Variants in MUC5B observed in about 807,000 individuals in gnomAD.
MUC5B encodes mucin-5B.
Under a neutral mutation model 376.9 loss-of-function variants are expected in MUC5B, and 116 were observed. The observed-to-expected ratio is 0.31, with a 90% CI of 0.26 to 0.36. The LOEUF (loss-of-function observed/expected upper bound fraction) is 0.36, where lower values mean the gene tolerates loss of function less well. MUC5B is among the 10% of genes least tolerant of loss of function. The probability of loss-of-function intolerance (pLI) is 1.00; values close to 1 mark genes in which losing one functional copy is unlikely to be tolerated. For synonymous variants in MUC5B, 3,517 were observed against 3,390.9 expected (o/e 1.04, Z -1.29); for missense variants, 7,165 against 7,769.9 (o/e 0.92, Z 2.93).
In MUC5B at chr11:1,247,518, C is replaced by G. The variant is rs376033739; in HGVS notation, c.10638C>G (p.Ser3546Arg). The change falls in exon 31 of 49, where the codon AGC becomes AGG. Residue 3546 changes from serine (S) to arginine (R), a missense_variant. Ser to Arg is a moderately radical substitution (Grantham distance 110). Transcript: ENST00000529681. ...GGACCACAGCCACAGCCACACCCAG[C>G]AAGACCCGCACCTCGACCCTGCTGC... Reference protein sequence around the residue: ...TSRTTATATPSKTRTSTLLPS... With the variant: ...TSRTTATATPRKTRTSTLLPS... The G allele has an allele frequency of 1.9e-6, 3 of 1,609,538 alleles. No homozygotes were observed. The highest frequency in any genetic ancestry group is 1.7e-5 in the Admixed American group (1 of 59,954).
chr11:1,256,917 T>A, intron 39 of MUC5B, 146 bp downstream of exon 39: 3 of 667,714 alleles, frequency 4.5e-6, no homozygotes, highest in Admixed American at 6.0e-5. Flanking sequence ...GAGCATGGGA[T>A]GGCCCCAGAG....
Position 1,251,503 on chromosome 11 carries a change from C to G in MUC5B, c.14623C>G (p.His4875Asp), listed in dbSNP as rs761476366. The G allele has an allele frequency of 6.4e-7, 1 of 1,565,486 alleles. No homozygotes were observed. Among genetic ancestry groups the G allele is most frequent in the Non-Finnish European group, 8.8e-7 (1 of 1,142,160 alleles). ...ATASSTLGTA[H>D]TPKVVTTMAT... Reference sequence around the variant, plus strand: ...CGCCTCCTCCACTCTGGGAACAGCTCACACCCCCAAAGTGGTGACCACCAT... The same window carrying G: ...CGCCTCCTCCACTCTGGGAACAGCTGACACCCCCAAAGTGGTGACCACCAT... The change falls in exon 31 of 49, where the codon CAC becomes GAC. Residue 4875 changes from histidine (H) to aspartate (D), a missense_variant. His to Asp is a moderately conservative substitution (Grantham distance 81). Coordinates refer to ENST00000529681, the MANE Select transcript of MUC5B (RefSeq NM_002458.3).
At chr11:1,256,854 G>T in intron 39 of MUC5B, 83 bp downstream of exon 39, 1 of 1,094,574 alleles carries the variant, frequency 9.1e-7, no homozygotes, top group Non-Finnish European at 1.3e-6. Flanking sequence ...CCAGGACCAT[G>T]ATGTGCTCTC....
intron 27 of MUC5B, 53 bp from the exon 28 acceptor site, chr11:1,239,746 C>A: frequency 6.4e-7 from 1 of 1,559,538 alleles, no homozygotes; most frequent in Non-Finnish European, 8.7e-7. Context: ...GAGCCCCTGG[C>A]TGGAGAGACT....
Position 1,240,039 on chromosome 11 carries a change from C to G in MUC5B, c.3729-6C>G. On this transcript the variant is annotated splice_region_variant and splice_polypyrimidine_tract_variant and intron_variant, in intron 28 of 48. Coordinates refer to ENST00000529681, the MANE Select transcript of MUC5B (RefSeq NM_002458.3). ...GGCCCTCAGCTCGCCTCTCCCCCAC[C>G]CCTAGTAACTGCACACCCAGTGGCA... 1.3e-6 allele frequency: 2 copies of G among 1,582,008 alleles called. No individual in the cohort carries two copies. The highest frequency in any genetic ancestry group is 1.7e-6 in the Non-Finnish European group (2 of 1,163,438).
chr11:1,256,639 T>C, intron 38 of MUC5B, 32 bp from the exon 39 acceptor site: 1 of 1,520,604 alleles, frequency 6.6e-7, no homozygotes, highest in Non-Finnish European at 8.9e-7. Flanking sequence ...CCTGGATCTC[T>C]AGGTCTCAGG....
chr11:1,224,682 T>G (rs1238884663), intron 1 of MUC5B, among the ~76,000 whole-genome samples: 1 of 151,226 alleles, frequency 6.6e-6, no homozygotes, highest in Non-Finnish European at 1.5e-5. Context: ...TGGGTCGGGG[T>G]GGAGGACTCA....
Position 1,261,643 on chromosome 11 carries a change from C to G in MUC5B, c.*35C>G, listed in dbSNP as rs1862997686. The G allele has an allele frequency of 2.6e-6, 4 of 1,554,452 alleles. No individual in the cohort carries two copies. The South Asian group carries it at 3.5e-5, about 14-fold the overall frequency. ...GCCTCCATCCCCATGCTCTGTCCACCTGGAGCCAGGATGTGCATTGTCTGA... is the reference window on the plus strand; with the variant it reads ...GCCTCCATCCCCATGCTCTGTCCACGTGGAGCCAGGATGTGCATTGTCTGA... On this transcript the variant is annotated 3_prime_UTR_variant, in exon 49 of 49. Transcript: ENST00000529681.
At position 1,253,891 on chromosome 11, in the gene MUC5B, G is replaced by A. The variant is rs117794101; in HGVS notation, c.15218-201G>A. 0.025 allele frequency among the ~76,000 whole-genome samples: 3,800 copies of A among 152,302 alleles called. 59 individuals are homozygous for A. Among genetic ancestry groups the A allele is most frequent in the Non-Finnish European group, 0.033 (2,222 of 68,014 alleles). ...ACTTTCTCCCGGCAAAGCCACATGC[G>A]GAGGTTCTGGGATAGCCATAGATTT... On this transcript the variant is annotated intron_variant, in intron 33 of 48. Transcript: ENST00000529681. The surrounding 1 kb of genome is among the most constrained non-coding windows in gnomAD (Gnocchi z 4.3).
chr11:1,232,330 C>A, intron 15 of MUC5B, 120 bp from the exon 16 acceptor site: 1 of 1,362,568 alleles, frequency 7.3e-7, no homozygotes, highest in Non-Finnish European at 1.0e-6. Flanking sequence ...CCCCAAGGCG[C>A]AGCAGGTGAG....
Position 1,227,981 on chromosome 11 carries a change from G to A in MUC5B, c.774+200G>A, listed in dbSNP as rs982676867. Among the ~76,000 whole-genome samples the A allele has an allele frequency of 1.2e-4, 19 of 152,208 alleles. No homozygotes were observed. The East Asian group carries it at 1.3e-3, about 11-fold the overall frequency. ...GACGTGCGTGTTCATCAGGCCACGC[G>A]TGTGCCCATCTGTGTGAGCAAACAC... is the stretch of plus-strand genomic sequence containing the variant. On this transcript the variant is annotated intron_variant, in intron 7 of 48. Coordinates refer to ENST00000529681, the MANE Select transcript of MUC5B (RefSeq NM_002458.3).
chr11:1,227,261 T>G lies in MUC5B; in HGVS notation c.577-47T>G, dbSNP rs908223. ...CGGGGCTTGGGGCATGTTGCCAGTG[T>G]GGGGATCAGAGGTCCTGAGGCTGGA... On this transcript the variant is annotated intron_variant, in intron 5 of 48. Transcript: ENST00000529681. The G allele has an allele frequency of 0.99, 1,551,801 of 1,574,978 alleles. 764,526 individuals are homozygous for G. Among genetic ancestry groups the G allele is most frequent in the East Asian group, 1 (44,291 of 44,294 alleles).
Position 1,245,413 on chromosome 11 carries a change from C to G in MUC5B, c.8533C>G (p.Pro2845Ala), listed in dbSNP as rs1243621179. The G allele has an allele frequency of 1.9e-6, 3 of 1,560,228 alleles. No homozygotes were observed. The highest frequency in any genetic ancestry group is 2.6e-6 in the Non-Finnish European group (3 of 1,150,642). Residue 2845 changes from proline (P) to alanine (A), a missense_variant, in exon 31 of 49, where the codon CCC becomes GCC. By Grantham distance (27) the Pro-to-Ala change is conservative (BLOSUM62 -1). This residue lies in a region of MUC5B where 50 missense variants were observed against 66.4 expected (regional missense o/e 0.75). Transcript: ENST00000529681. ...CTCCAGGACCACGGCCACGGCCACA[C>G]CCAGCAAGACCCGCACCTCGACCCT... ...ATSRTTATAT[P>A]SKTRTSTLLP...
At position 1,229,287 on chromosome 11, in the gene MUC5B, G is replaced by GC. The variant is rs1403353463; in HGVS notation, c.1100dup (p.Gly368ArgfsTer6). On this transcript the variant is annotated frameshift_variant, in exon 9 of 49. Transcript: ENST00000529681. LOFTEE classifies it high-confidence loss of function. Reference sequence around the variant, plus strand: ...GACCACTGTGTGGACGGCTGCTTCTGCCCCCCAGGCAGGTCTTGTGTGCCC... The same window carrying GC: ...GACCACTGTGTGGACGGCTGCTTCTGCCCCCCCAGGCAGGTCTTGTGTGCCC... The GC allele has an allele frequency of 3.8e-6, 6 of 1,574,506 alleles. No individual in the cohort carries two copies. The highest frequency in any genetic ancestry group is 1.8e-5 in the Admixed American group (1 of 56,092).
intron 1 of MUC5B, among the ~76,000 whole-genome samples, chr11:1,224,502 G>C: frequency 7.3e-6 from 1 of 136,492 alleles, no homozygotes; most frequent in African/African-American, 2.7e-5. Context: ...GGGAGGGGCT[G>C]TCTGGGGCAG....
Position 1,243,958 on chromosome 11 carries a change from T to G in MUC5B, c.7078T>G (p.Cys2360Gly). The G allele has an allele frequency of 6.2e-7, 1 of 1,604,608 alleles. No homozygotes were observed. The highest frequency in any genetic ancestry group is 8.5e-7 in the Non-Finnish European group (1 of 1,175,146). Residue 2360 changes from cysteine to glycine, a missense_variant, in exon 31 of 49, where the codon TGC (cysteine) becomes GGC (glycine). By Grantham distance (159) the Cys-to-Gly change is radical. Around this residue, in one of 31 missense-constraint regions of MUC5B, gnomAD observed 25 missense variants for 103.9 expected, o/e 0.24. Coordinates refer to ENST00000529681, the MANE Select transcript of MUC5B (RefSeq NM_002458.3). ...CTGTGAGCAGCCCCTGGGCCTCGAG[T>G]GCCGTGCCCAGGCCCAGCCTGGTGT... ...AVCEQPLGLECRAQAQPGVPL... is the reference protein window; with the variant it reads ...AVCEQPLGLEGRAQAQPGVPL...
chr11:1,226,149 T>A, intron 2 of MUC5B, 56 bp from the exon 3 acceptor site: 1 of 1,490,968 alleles, frequency 6.7e-7, no homozygotes. Context: ...CCGGGGAGGG[T>A]GTCTCTGCTT....
Position 1,250,281 on chromosome 11 carries a change from C to G in MUC5B, c.13401C>G (p.Ala4467=). The G allele has an allele frequency of 6.2e-7, 1 of 1,613,154 alleles. No individual in the cohort carries two copies. The highest frequency in any genetic ancestry group is 8.5e-7 in the Non-Finnish European group (1 of 1,179,630). Residue 4467 remains alanine, a synonymous_variant, in exon 31 of 49, where the codon GCC becomes GCG. Coordinates refer to ENST00000529681, the MANE Select transcript of MUC5B (RefSeq NM_002458.3). ...ATVTVPTGST[A]TASSTQATAG... ...TGACGGTGCCCACCGGATCCACGGC[C>G]ACCGCCTCCTCCACCCAGGCAACTG...
rs1219530136 is a variant in MUC5B at position 1,257,277 on chromosome 11, T to C, written c.16269+6T>C. 1.3e-6 allele frequency: 1 copy of C among 780,414 alleles called. No homozygotes were observed. Among genetic ancestry groups the C allele is most frequent in the East Asian group, 2.4e-5 (1 of 41,246 alleles). 48.3% of individuals were successfully genotyped at this position (780,414 alleles called of 1,614,324 possible). ...CCGATGGGTTTCCTAAATTTGTGAG[T>C]GGCTCCACCCCCACCTGCCCTACCC... On this transcript the variant is annotated splice_donor_region_variant and intron_variant, in intron 40 of 48. Coordinates refer to ENST00000529681, the MANE Select transcript of MUC5B (RefSeq NM_002458.3). This position sits in a 1 kb window ranked among gnomAD's most constrained non-coding sequence, Gnocchi z 8.9.
Sources: allele counts gnomAD v4.1 joint callset (sites outside exome capture counted in the v4.1 genomes callset), GRCh38; gene constraint gnomAD v4.1.1; regional missense constraint gnomAD v4.1.1; non-coding constraint Gnocchi (gnomAD v3.1); transcripts MANE v1.5; gene names NCBI Gene and HGNC (gene_info 2026-07-23, HGNC 2026-07-21).